The following GALNT17 variants were observed in gnomAD, a reference collection of about 807,000 sequenced individuals.
GALNT17 encodes the protein UDP-GalNAc:polypeptide N-acetylgalactosaminyltransferase-like 3.
A neutral mutation model predicts 63.7 loss-of-function variants in GALNT17; 29 were observed. The ratio of observed to expected loss-of-function variants is 0.46; its 90% CI spans 0.34 to 0.62. The LOEUF is 0.62. GALNT17 is among the 20% of genes least tolerant of loss of function. The pLI is 0.01. For missense variants in GALNT17, 603 were observed against 799.6 expected (o/e 0.75, Z 2.97); for synonymous variants, 305 against 318.3 (o/e 0.96, Z 0.45).
At chr7:71,564,278 CT>C (rs10539122) in intron 5 of GALNT17, among the ~76,000 whole-genome samples, 475 of 97,926 alleles carry the variant, frequency 4.9e-3, no homozygotes, top group African/African-American at 0.017. Context: ...CTTTTCTTTT[CT>C]TTTTTTTTTT....
At chr7:71,353,117 T>C (rs1385030445) in intron 2 of GALNT17, among the ~76,000 whole-genome samples, 1 of 152,138 alleles carries the variant, frequency 6.6e-6, no homozygotes, top group Non-Finnish European at 1.5e-5. Flanking sequence ...GTTATTATTA[T>C]TATTATTGTT....
At chr7:71,278,124 AGAG>A (rs1266491576) in intron 1 of GALNT17, among the ~76,000 whole-genome samples, 10 of 152,216 alleles carry the variant, frequency 6.6e-5, no homozygotes, top group Non-Finnish European at 1.2e-4. Flanking sequence ...TACTAAGAAA[AGAG>A]GTCACTGTGT....
At chr7:71,207,562 C>T (rs987553226) in intron 1 of GALNT17, among the ~76,000 whole-genome samples, 20 of 147,262 alleles carry the variant, frequency 1.4e-4, no homozygotes, top group African/African-American at 4.4e-4. Context: ...GATGCTGGCT[C>T]GGGTGGGTTG....
intron 2 of GALNT17, among the ~76,000 whole-genome samples, chr7:71,347,006 T>A (rs1792108211): frequency 6.6e-6 from 1 of 152,098 alleles, no homozygotes; most frequent in African/African-American, 2.4e-5. Context: ...TGTCTTACCA[T>A]AGAGTTTATA....
chr7:71,377,111 AAAAATATATAT>A (rs1792751155), intron 2 of GALNT17, among the ~76,000 whole-genome samples: 2 of 78,770 alleles, frequency 2.5e-5, no homozygotes, highest in African/African-American at 5.5e-5. Flanking sequence ...TAAAAATAAA[AAAAATATATAT>A]ATATATATAT....
chr7:71,205,436 G>A (rs570289052), intron 1 of GALNT17, among the ~76,000 whole-genome samples: 2 of 152,116 alleles, frequency 1.3e-5, no homozygotes, highest in South Asian at 4.2e-4. Context: ...ACAGACATGA[G>A]CCACCGTGCC....
chr7:71,435,175 A>T (rs763410945), intron 5 of GALNT17, among the ~76,000 whole-genome samples: 6 of 152,170 alleles, frequency 3.9e-5, no homozygotes, highest in Non-Finnish European at 7.3e-5. Context: ...AAAAATTTTT[A>T]AAATTAGATG....
At chr7:71,632,847 T>C (rs1156302897) in intron 6 of GALNT17, among the ~76,000 whole-genome samples, 1 of 152,046 alleles carries the variant, frequency 6.6e-6, no homozygotes, top group Non-Finnish European at 1.5e-5. Context: ...TTCATGCCTG[T>C]AATCCCAGCA....
chr7:71,259,637 T>C (rs147094281), intron 1 of GALNT17, among the ~76,000 whole-genome samples: 90 of 139,562 alleles, frequency 6.4e-4, no homozygotes, highest in African/African-American at 2.4e-3. Flanking sequence ...TTTTGTTTTT[T>C]GTTTTTTTGT....
intron 1 of GALNT17, among the ~76,000 whole-genome samples, chr7:71,332,766 A>C (rs979089139): frequency 6.6e-6 from 1 of 152,228 alleles, no homozygotes; most frequent in African/African-American, 2.4e-5. Flanking sequence ...GTCTTGGCTC[A>C]CTGCAACCTC....
At chr7:71,271,158 C>T (rs1303243236) in intron 1 of GALNT17, among the ~76,000 whole-genome samples, 1 of 152,226 alleles carries the variant, frequency 6.6e-6, no homozygotes, top group East Asian at 1.9e-4. Flanking sequence ...GAATCACGAT[C>T]TGGTGCCAGT....
At chr7:71,551,105 T>C (rs1789069430) in intron 5 of GALNT17, among the ~76,000 whole-genome samples, 1 of 152,146 alleles carries the variant, frequency 6.6e-6, no homozygotes, top group Admixed American at 6.5e-5. Flanking sequence ...GATCTTATCA[T>C]TGTATTATTT....
intron 1 of GALNT17, among the ~76,000 whole-genome samples, chr7:71,156,471 ATGCCC>A (rs1184891487): frequency 6.6e-6 from 1 of 151,794 alleles, no homozygotes; most frequent in Non-Finnish European, 1.5e-5. Context: ...GAGATGGTTG[ATGCCC>A]TGCCCTGCCT....
chr7:71,583,445 G>C (rs987866130), intron 6 of GALNT17, among the ~76,000 whole-genome samples: 1 of 152,122 alleles, frequency 6.6e-6, no homozygotes, highest in Non-Finnish European at 1.5e-5. Flanking sequence ...GGCCCCCGTA[G>C]CCCCTCCCTA....
chr7:71,589,187 C>T (rs1789762953), intron 6 of GALNT17, among the ~76,000 whole-genome samples: 1 of 152,166 alleles, frequency 6.6e-6, no homozygotes, highest in Non-Finnish European at 1.5e-5. Context: ...AGTCTGTATT[C>T]AGAGTACTTA....
intron 2 of GALNT17, among the ~76,000 whole-genome samples, chr7:71,352,694 G>A (rs1263562560): frequency 2.0e-5 from 3 of 152,194 alleles, no homozygotes; most frequent in Non-Finnish European, 4.4e-5. Context: ...TCACTAAGGA[G>A]AGAGAGCTGG....
At chr7:71,569,783 A>C (rs1361241463) in intron 5 of GALNT17, among the ~76,000 whole-genome samples, 2 of 152,080 alleles carry the variant, frequency 1.3e-5, no homozygotes, top group African/African-American at 4.8e-5. Context: ...TCTACAATTG[A>C]TGAGCACATG....
At chr7:71,494,674 A>G (rs1788063946) in intron 5 of GALNT17, among the ~76,000 whole-genome samples, 1 of 152,114 alleles carries the variant, frequency 6.6e-6, no homozygotes, top group African/African-American at 2.4e-5. Context: ...GCTTTGTGAT[A>G]AAGCAGAGAG....
At chr7:71,211,648 G>C (rs930435663) in intron 1 of GALNT17, among the ~76,000 whole-genome samples, 1 of 152,182 alleles carries the variant, frequency 6.6e-6, no homozygotes, top group Admixed American at 6.5e-5. Flanking sequence ...GAGACTTGTT[G>C]AATGGCCTTG....
Sources: allele counts gnomAD v4.1 joint callset (sites outside exome capture counted in the v4.1 genomes callset), GRCh38; gene constraint gnomAD v4.1.1; transcripts MANE v1.5; gene names NCBI Gene and HGNC (gene_info 2026-07-23, HGNC 2026-07-21).